COL13A1: variants seen among roughly 807,000 people sequenced by gnomAD.
The protein encoded by COL13A1 is collagen alpha-1(XIII) chain.
COL13A1 carries 89 observed loss-of-function variants against 130.9 expected under a neutral mutation model. The ratio of observed to expected loss-of-function variants is 0.68; its 90% CI spans 0.57 to 0.81. The LOEUF is 0.81. Ranked by LOEUF, COL13A1 falls within the 30% of genes least tolerant of loss-of-function variation. The pLI, the probability that COL13A1 is intolerant of heterozygous loss-of-function variation, is 0.00. For missense variants in COL13A1, 879 were observed against 934.6 expected (o/e 0.94, Z 0.78); for synonymous variants, 402 against 341.6 (o/e 1.18, Z -1.95).
At chr10:69,860,222 C>T (rs577491763) in intron 2 of COL13A1, among the ~76,000 whole-genome samples, 2 of 152,300 alleles carry the variant, frequency 1.3e-5, no homozygotes, top group African/African-American at 4.8e-5. Flanking sequence ...AGCCTCAGGA[C>T]GAAGTGTCAG....
chr10:69,889,303 A>G, intron 9 of COL13A1, 111 bp from the exon 10 acceptor site: 2 of 1,360,364 alleles, frequency 1.5e-6, no homozygotes, highest in Non-Finnish European at 2.0e-6. Flanking sequence ...GACAGGGAGG[A>G]GCACGGGGGG....
rs545871778 is a variant in COL13A1 at position 69,937,879 on chromosome 10, T to C, written c.1878+164T>C. ...GGCAAGACCACAGGCTCTGATTCTC[T>C]TCCTCCTCTGGGCCCAGGCCCCACC... is the stretch of plus-strand genomic sequence containing the variant. On this transcript the variant is annotated intron_variant, in intron 34 of 40. Coordinates refer to ENST00000645393, the MANE Select transcript of COL13A1 (RefSeq NM_001368882.1). Among the ~76,000 whole-genome samples, 4 of 152,288 alleles carry C rather than the reference T, an allele frequency of 2.6e-5. No homozygotes were observed. The East Asian group carries it at 7.8e-4, about 30-fold the overall frequency.
At chr10:69,942,452 C>G (rs2067775776) in intron 35 of COL13A1, among the ~76,000 whole-genome samples, 1 of 152,154 alleles carries the variant, frequency 6.6e-6, no homozygotes, top group African/African-American at 2.4e-5. Context: ...TCAGAGAAAC[C>G]AAGACTTTCC....
chr10:69,804,113 C>T lies in COL13A1; in HGVS notation c.294+1396C>T, dbSNP rs75484520. Among the ~76,000 whole-genome samples the T allele has an allele frequency of 4.7e-4, 72 of 152,248 alleles. 2 individuals are homozygous for T. The East Asian group carries it at 7.7e-3, about 16-fold the overall frequency. On this transcript the variant is annotated intron_variant, in intron 1 of 40. Transcript: ENST00000645393. ...GGGAATCCGGAGAACTCCATCGGGC[C>T]GTCCATGGTTCCCTGGGCCTGGGGT...
intron 39 of COL13A1, among the ~76,000 whole-genome samples, chr10:69,954,675 A>G (rs1214033329): frequency 6.6e-6 from 1 of 152,194 alleles, no homozygotes. Flanking sequence ...CATCAGAACT[A>G]GGGGATGGTC....
chr10:69,889,609 G>A (rs1405219211), intron 10 of COL13A1, among the ~76,000 whole-genome samples, 169 bp downstream of exon 10: 1 of 152,204 alleles, frequency 6.6e-6, no homozygotes, highest in Non-Finnish European at 1.5e-5. Flanking sequence ...ACATCAATAT[G>A]CAGGGAGGAG....
In COL13A1 at chr10:69,926,308, G is replaced by A. The variant is rs112044967; in HGVS notation, c.1398+436G>A. Reference sequence around the variant, plus strand: ...CCCTGTTTCAAGTTCATGAGCTCCCGCTCCCCACCCTTTAAAGCAGGGTTT... The same window carrying A: ...CCCTGTTTCAAGTTCATGAGCTCCCACTCCCCACCCTTTAAAGCAGGGTTT... On this transcript the variant is annotated intron_variant, in intron 26 of 40. Transcript: ENST00000645393. Among the ~76,000 whole-genome samples the A allele has an allele frequency of 5.9e-5, 9 of 152,296 alleles. 1 individual carries two copies. The highest frequency in any genetic ancestry group is 2.2e-4 in the African/African-American group (9 of 41,572).
rs2063383056 is a variant in COL13A1, at chr10:69,911,541, G to T, written c.921+5719G>T. On this transcript the variant is annotated intron_variant, in intron 17 of 40. Transcript: ENST00000645393. ...CTTGCTCTGAATGGCTTTACTATCTGCCTCTTAGCAGCCCTGGGGGACCCC... is the reference window on the plus strand; with the variant it reads ...CTTGCTCTGAATGGCTTTACTATCTTCCTCTTAGCAGCCCTGGGGGACCCC... 2.0e-5 allele frequency among the ~76,000 whole-genome samples: 3 copies of T among 152,204 alleles called. No homozygotes were observed. The South Asian group carries it at 6.2e-4, about 32-fold the overall frequency.
chr10:69,847,057 T>C (rs1268071019), intron 2 of COL13A1, among the ~76,000 whole-genome samples: 1 of 152,234 alleles, frequency 6.6e-6, no homozygotes, highest in Non-Finnish European at 1.5e-5. Flanking sequence ...TGCTTCTTCA[T>C]CTTCTCTATT....
intron 1 of COL13A1, among the ~76,000 whole-genome samples, chr10:69,805,654 G>A (rs1841362055): frequency 6.6e-6 from 1 of 152,240 alleles, no homozygotes; most frequent in Non-Finnish European, 1.5e-5. Context: ...CATCCTCGCA[G>A]AAAGTTCTAT....
intron 17 of COL13A1, among the ~76,000 whole-genome samples, chr10:69,908,141 A>G (rs1290637885): frequency 2.0e-5 from 3 of 152,152 alleles, no homozygotes; most frequent in Non-Finnish European, 4.4e-5. Flanking sequence ...GGAGGAGAAA[A>G]GAGGCAGGAA....
rs575879753 is a variant in COL13A1, at chr10:69,840,621, A to T, written c.364+18183A>T. On this transcript the variant is annotated intron_variant, in intron 2 of 40. Coordinates refer to ENST00000645393, the MANE Select transcript of COL13A1 (RefSeq NM_001368882.1). ...CTTGAGTGAGGTAAGTTTAGGACAA[A>T]TTAAAGGAAGTCCTGCTTCTCACAG... Among the ~76,000 whole-genome samples, 306 of 152,254 alleles carry T rather than the reference A, an allele frequency of 2.0e-3. 3 individuals carry two copies. Among genetic ancestry groups the T allele is most frequent in the African/African-American group, 7.1e-3 (294 of 41,544 alleles).
chr10:69,888,241 G>A (rs988795493), intron 8 of COL13A1, 63 bp from the exon 9 acceptor site: 17 of 1,595,090 alleles, frequency 1.1e-5, no homozygotes, highest in Non-Finnish European at 1.5e-5. Flanking sequence ...CCACTGCCCA[G>A]GCAGCCTCTT....
At chr10:69,823,985 C>A in intron 2 of COL13A1, 1 of 424,180 alleles carries the variant, frequency 2.4e-6, no homozygotes, top group South Asian at 1.8e-5. Context: ...CCTTATAACT[C>A]TTGGGCAATG....
intron 35 of COL13A1, among the ~76,000 whole-genome samples, chr10:69,942,100 G>A (rs1345349010): frequency 6.6e-6 from 1 of 152,196 alleles, no homozygotes; most frequent in African/African-American, 2.4e-5. Flanking sequence ...CCAGGTGGCC[G>A]GGGGCACTTG....
chr10:69,946,305 CA>C (rs1216867610), intron 37 of COL13A1, among the ~76,000 whole-genome samples: 1 of 152,236 alleles, frequency 6.6e-6, no homozygotes, highest in Non-Finnish European at 1.5e-5. Context: ...AGCCTGCCCT[CA>C]GCAATGTGTG....
intron 17 of COL13A1, among the ~76,000 whole-genome samples, chr10:69,912,485 G>A (rs1192804754): frequency 6.6e-6 from 1 of 152,098 alleles, no homozygotes; most frequent in African/African-American, 2.4e-5. Flanking sequence ...TCCACACCTG[G>A]CTTTTCTGGC....
At chr10:69,882,949 G>T (rs765512502) in intron 7 of COL13A1, among the ~76,000 whole-genome samples, 4 of 152,324 alleles carry the variant, frequency 2.6e-5, no homozygotes, top group South Asian at 2.1e-4. Flanking sequence ...GGGTCCATTT[G>T]TCATTAAGGG....
At chr10:69,906,277 C>A (rs1379898690) in intron 17 of COL13A1, among the ~76,000 whole-genome samples, 2 of 152,234 alleles carry the variant, frequency 1.3e-5, no homozygotes, top group African/African-American at 2.4e-5. Flanking sequence ...TGCGGTGTAA[C>A]AAACCATTCC....
Sources: gnomAD v4.1 joint callset for allele counts (sites outside exome capture counted in the v4.1 genomes callset) on GRCh38, gnomAD v4.1.1 for gene constraint, MANE v1.5 for transcripts, NCBI Gene and HGNC (gene_info 2026-07-23, HGNC 2026-07-21) for gene names.